Variants in DNAH3 observed in about 807,000 individuals in gnomAD.
DNAH3 encodes the protein dynein axonemal heavy chain 3, also known as axonemal beta dynein heavy chain 3.
In DNAH3, 332 loss-of-function variants were observed where a neutral mutation model predicts 432.5. The ratio of observed to expected loss-of-function variants is 0.77; its 90% CI spans 0.70 to 0.84. DNAH3 has a LOEUF of 0.84. DNAH3 is among the 40% of genes least tolerant of loss of function. DNAH3 has a pLI of 0.00. For missense variants in DNAH3, 4,861 were observed against 5,114.0 expected (o/e 0.95, Z 1.51); for synonymous variants, 1,956 against 1,900.2 (o/e 1.03, Z -0.76).
In DNAH3 at chr16:20,963,768, GA is replaced by G; in HGVS notation, c.10115del (p.Leu3372ProfsTer6). 6 of 1,614,042 alleles carry G rather than the reference GA, an allele frequency of 3.7e-6. No individual in the cohort carries two copies. The highest frequency in any genetic ancestry group is 3.4e-6 in the Non-Finnish European group (4 of 1,180,038). ...TGCCGATGGTCAGGAGGAGAGAGAA[GA>G]GTAGCTTGTCCTTCTCAAACAGAGA... On this transcript the variant is annotated frameshift_variant, in exon 53 of 62. Coordinates refer to ENST00000261383, the Ensembl canonical transcript of DNAH3. LOFTEE classifies it high-confidence loss of function.
exon 53 of DNAH3, chr16:20,964,380 A>T (rs1472288239): frequency 8.1e-6 from 13 of 1,614,190 alleles, no homozygotes; most frequent in Non-Finnish European, 1.1e-5. Context: ...TGTATAACTT[A>T]AAATCCCTGG....
intron 26 of DNAH3, 23 bp downstream of exon 26, chr16:21,060,241 T>C: frequency 6.3e-7 from 1 of 1,589,074 alleles, no homozygotes; most frequent in Non-Finnish European, 8.6e-7. Context: ...TGTCCTGGCA[T>C]GTGTACCCCG....
intron 51 of DNAH3, among the ~76,000 whole-genome samples, chr16:20,970,909 G>A (rs2085314624): frequency 7.0e-6 from 1 of 142,820 alleles, no homozygotes; most frequent in Non-Finnish European, 1.5e-5. Flanking sequence ...CTATCATCCA[G>A]GCTGGACTGT....
exon 49 of DNAH3, chr16:20,982,821 A>T: frequency 6.2e-7 from 1 of 1,614,104 alleles, no homozygotes; most frequent in Non-Finnish European, 8.5e-7. Context: ...TCAATCGTAC[A>T]GCAATTGATC....
chr16:20,996,836 G>A (rs928897553), intron 44 of DNAH3: 12 of 161,710 alleles, frequency 7.4e-5, no homozygotes, highest in South Asian at 1.8e-4. Context: ...CAAGTTGCAC[G>A]TGAAGCAATA....
At chr16:21,027,253 G>A in intron 37 of DNAH3, 126 bp from the exon 38 acceptor site, 1 of 698,748 alleles carries the variant, frequency 1.4e-6, no homozygotes, top group Non-Finnish European at 2.6e-6. Context: ...CACTTATGAT[G>A]TCCCAGGCAC....
chr16:21,155,964 A>G (rs368315604), intron 1 of DNAH3, among the ~76,000 whole-genome samples: 12 of 152,286 alleles, frequency 7.9e-5, no homozygotes, highest in African/African-American at 2.6e-4. Flanking sequence ...GGAGGCTACT[A>G]TAGCAAAGTA....
At chr16:21,020,195 A>AT (rs900390864) in intron 40 of DNAH3, among the ~76,000 whole-genome samples, 2 of 149,422 alleles carry the variant, frequency 1.3e-5, no homozygotes, top group Non-Finnish European at 3.0e-5. Context: ...TGATTTTTGT[A>AT]TTTTTTTATA....
At chr16:20,994,651 C>T (rs996965058) in intron 44 of DNAH3, among the ~76,000 whole-genome samples, 1 of 152,150 alleles carries the variant, frequency 6.6e-6, no homozygotes, top group African/African-American at 2.4e-5. Flanking sequence ...TCCTCAATCT[C>T]CCCTCCCTCC....
At chr16:21,013,719 C>CAAAAAAAAAA (rs557641711) in intron 41 of DNAH3, among the ~76,000 whole-genome samples, 1 of 47,414 alleles carries the variant, frequency 2.1e-5, no homozygotes, top group Non-Finnish European at 4.1e-5. Flanking sequence ...AACTCCATCT[C>CAAAAAAAAAA]AAAAAAAAAA....
At position 21,145,412 on chromosome 16, in the gene DNAH3, A is replaced by T. The variant is rs1242455531; in HGVS notation, c.223-6T>A. The T allele has an allele frequency of 4.3e-6, 7 of 1,612,412 alleles. No individual in the cohort carries two copies. Among genetic ancestry groups the T allele is most frequent in the Non-Finnish European group, 5.9e-6 (7 of 1,178,440 alleles). ...AAGCTGTGTGACATGACAGTCTACG[A>T]GGTAAGAAGTGCAGAGTGAGACACA... On this transcript the variant is annotated splice_polypyrimidine_tract_variant and splice_region_variant and intron_variant, in intron 2 of 61. Coordinates refer to ENST00000261383, the Ensembl canonical transcript of DNAH3.
chr16:21,059,600 C>T (rs2090271301), intron 26 of DNAH3, among the ~76,000 whole-genome samples: 1 of 152,054 alleles, frequency 6.6e-6, no homozygotes, highest in Admixed American at 6.6e-5. Flanking sequence ...CATGGTGAAA[C>T]CACATCTCTA....
intron 48 of DNAH3, among the ~76,000 whole-genome samples, chr16:20,984,029 G>GAAAAAAAAAAAA (rs61475224): frequency 1.5e-4 from 17 of 112,134 alleles, no homozygotes; most frequent in African/African-American, 5.5e-4. Flanking sequence ...CCTATATCCA[G>GAAAAAAAAAAAA]AAAAAAAAAA....
chr16:21,103,966 G>T, intron 16 of DNAH3: 1 of 162,490 alleles, frequency 6.2e-6, no homozygotes, highest in Non-Finnish European at 1.3e-5. Flanking sequence ...ACAGAGCATA[G>T]CACATCATGA....
At position 21,039,952 on chromosome 16, in the gene DNAH3, G is replaced by GAAAC; in HGVS notation, c.4639-13_4639-10dup. The GAAAC allele has an allele frequency of 6.2e-7, 1 of 1,610,286 alleles. No individual in the cohort carries two copies. The highest frequency in any genetic ancestry group is 8.5e-7 in the Non-Finnish European group (1 of 1,176,828). On this transcript the variant is annotated splice_polypyrimidine_tract_variant and intron_variant, in intron 32 of 61. Coordinates refer to ENST00000261383, the Ensembl canonical transcript of DNAH3. The stretch of plus-strand genomic sequence containing the variant: ...ACTGTCCGGAACAAGGCCTGGAAAA[G>GAAAC]AAACAACAAATCAGAATCGGAACAC...
intron 44 of DNAH3, chr16:20,997,026 C>G (rs1362224815): frequency 5.0e-6 from 2 of 402,262 alleles, no homozygotes; most frequent in African/African-American, 4.0e-5. Flanking sequence ...GCTGGCCACA[C>G]TGAACTCTCC....
At chr16:21,145,987 A>G in exon 2 of DNAH3, 3 of 1,607,174 alleles carry the variant, frequency 1.9e-6, no homozygotes, top group Middle Eastern at 3.3e-4. Context: ...TGCATACCTG[A>G]TAGAGTCCAG....
chr16:20,950,369 A>G (rs770515362), intron 56 of DNAH3, among the ~76,000 whole-genome samples: 2 of 152,196 alleles, frequency 1.3e-5, no homozygotes, highest in Non-Finnish European at 2.9e-5. Context: ...CACCTTGTAC[A>G]TCGTAGACTG....
Position 20,988,334 on chromosome 16 carries a change from C to T in DNAH3, c.6602-269G>A, listed in dbSNP as rs570503422. ...CTAGTGGCTACCGTATTGCTCAGTA[C>T]AGATATAGAGCATCTCCATACTGCG... is the stretch of plus-strand genomic sequence containing the variant. On this transcript the variant is annotated intron_variant, in intron 44 of 61. Transcript: ENST00000261383. Among the ~76,000 whole-genome samples the T allele has an allele frequency of 1.4e-4, 22 of 152,338 alleles. 1 individual carries two copies. The highest frequency in any genetic ancestry group is 1.2e-3 in the Admixed American group (19 of 15,302).
Sources: gnomAD v4.1 joint callset for allele counts (sites outside exome capture counted in the v4.1 genomes callset) on GRCh38, gnomAD v4.1.1 for gene constraint, MANE v1.5 for transcripts, NCBI Gene and HGNC (gene_info 2026-07-23, HGNC 2026-07-21) for gene names.